The following ADAMTSL1 variants were observed in gnomAD, a reference collection of about 807,000 sequenced individuals.
The protein encoded by ADAMTSL1 is ADAMTS like 1.
In ADAMTSL1, 126 loss-of-function variants were observed where a neutral mutation model predicts 201.8. The ratio of observed to expected loss-of-function variants is 0.62; its 90% CI spans 0.54 to 0.72. The LOEUF (loss-of-function observed/expected upper bound fraction) is 0.72, where lower values mean the gene tolerates loss of function less well. ADAMTSL1 is among the 30% of genes least tolerant of loss of function. The pLI is 0.00. For synonymous variants in ADAMTSL1, 1,121 were observed against 903.4 expected, an observed-to-expected ratio of 1.24 and a Z score of -4.32; for missense variants, 2,679 against 2,277.8, an observed-to-expected ratio of 1.18 and a Z score of -3.59.
At chr9:18,701,462 C>A (rs879272926) in intron 13 of ADAMTSL1, among the ~76,000 whole-genome samples, 1 of 152,120 alleles carries the variant, frequency 6.6e-6, no homozygotes, top group African/African-American at 2.4e-5. Flanking sequence ...TCAGGCGATC[C>A]GCCCACCTCA....
At chr9:18,111,409 T>C (rs1478951622) in intron 1 of ADAMTSL1, among the ~76,000 whole-genome samples, 1 of 152,188 alleles carries the variant, frequency 6.6e-6, no homozygotes, top group African/African-American at 2.4e-5. Flanking sequence ...GTGCTTCTCA[T>C]TTATTTACAC....
chr9:18,521,299 A>C (rs1472167210), intron 2 of ADAMTSL1, among the ~76,000 whole-genome samples: 1 of 152,096 alleles, frequency 6.6e-6, no homozygotes, highest in Non-Finnish European at 1.5e-5. Context: ...TAAAGTACTA[A>C]AAGAGTGTAA....
At chr9:18,463,206 T>G (rs144294620) in intron 2 of ADAMTSL1, among the ~76,000 whole-genome samples, 4 of 152,280 alleles carry the variant, frequency 2.6e-5, no homozygotes, top group African/African-American at 9.6e-5. Context: ...TATGAAAAAT[T>G]TAGTAATTAG....
At chr9:17,965,372 C>G (rs1045959053) in intron 1 of ADAMTSL1, among the ~76,000 whole-genome samples, 8 of 152,172 alleles carry the variant, frequency 5.3e-5, no homozygotes, top group Admixed American at 2.0e-4. Flanking sequence ...ACATTAAATA[C>G]TGATGAATTA....
chr9:18,082,642 C>T (rs1045552324), intron 1 of ADAMTSL1, among the ~76,000 whole-genome samples: 1 of 152,156 alleles, frequency 6.6e-6, no homozygotes, highest in African/African-American at 2.4e-5. Context: ...GTCCATGAAT[C>T]CCTCTACCAC....
At position 18,622,301 on chromosome 9, in the gene ADAMTSL1, G is replaced by A; in HGVS notation, c.533G>A (p.Cys178Tyr). The stretch of plus-strand genomic sequence containing the variant: ...GTCAAGGAAGATAACTGTGGGGTCT[G>A]CAACGGAGATGGGTCCACCTGCCGG... The part of the protein sequence containing the change: ...STVKEDNCGV[C>Y]NGDGSTCRLV... Residue 178 changes from cysteine (C) to tyrosine (Y), a missense_variant, in exon 5 of 29, where the codon TGC (cysteine) becomes TAC (tyrosine). By Grantham distance (194) the Cys-to-Tyr change is radical. Coordinates refer to ENST00000380548, the MANE Select transcript of ADAMTSL1 (RefSeq NM_001040272.6). 6.2e-7 allele frequency: 1 copy of A among 1,614,074 alleles called. No individual in the cohort carries two copies. Among genetic ancestry groups the A allele is most frequent in the Non-Finnish European group, 8.5e-7 (1 of 1,179,962 alleles).
chr9:18,069,265 C>T (rs772389841), intron 1 of ADAMTSL1, among the ~76,000 whole-genome samples: 4 of 152,052 alleles, frequency 2.6e-5, no homozygotes, highest in African/African-American at 7.2e-5. Context: ...TTCAATATAT[C>T]GAGTTGAAGA....
chr9:18,557,680 A>G (rs1286152551), intron 3 of ADAMTSL1, among the ~76,000 whole-genome samples: 5 of 152,018 alleles, frequency 3.3e-5, no homozygotes, highest in African/African-American at 1.2e-4. Context: ...GAGAAATGCT[A>G]CAGTCTTCTA....
Position 18,085,744 on chromosome 9 carries a change from C to T in ADAMTSL1, c.88-78118C>T, listed in dbSNP as rs546119796. Among the ~76,000 whole-genome samples the T allele has an allele frequency of 3.4e-5, 5 of 149,048 alleles. No homozygotes were observed. The South Asian group carries it at 8.5e-4, about 25-fold the overall frequency. On this transcript the variant is annotated intron_variant, in intron 1 of 29. Transcript: ENST00000680146. Reference sequence around the variant, plus strand: ...ATATATATAGCAGGTTATATATATACGTGTATACATATATATGTGTGTGTG... The same window carrying T: ...ATATATATAGCAGGTTATATATATATGTGTATACATATATATGTGTGTGTG...
chr9:18,903,650 G>T (rs1830130689), intron 26 of ADAMTSL1, among the ~76,000 whole-genome samples: 1 of 152,298 alleles, frequency 6.6e-6, no homozygotes, highest in South Asian at 2.1e-4. Flanking sequence ...TTCCTTCTAA[G>T]GGGGTAGAGA....
At chr9:18,127,452 T>G (rs898246042) in intron 1 of ADAMTSL1, among the ~76,000 whole-genome samples, 36 of 145,236 alleles carry the variant, frequency 2.5e-4, no homozygotes, top group Non-Finnish European at 4.6e-4. Flanking sequence ...GATCTGTGTG[T>G]GGGGTGGTGC....
chr9:18,664,081 A>G (rs1829278216), intron 9 of ADAMTSL1, among the ~76,000 whole-genome samples: 1 of 152,036 alleles, frequency 6.6e-6, no homozygotes, highest in Non-Finnish European at 1.5e-5. Context: ...GGCAAATGTC[A>G]GGAAGCTGCT....
At chr9:18,350,729 T>C (rs957746221) in intron 2 of ADAMTSL1, among the ~76,000 whole-genome samples, 3 of 152,136 alleles carry the variant, frequency 2.0e-5, no homozygotes, top group Non-Finnish European at 2.9e-5. Flanking sequence ...GAAGAGGGTA[T>C]ACATTTTTAC....
At chr9:18,129,774 A>T (rs1158023855) in intron 1 of ADAMTSL1, among the ~76,000 whole-genome samples, 1 of 152,226 alleles carries the variant, frequency 6.6e-6, no homozygotes, top group Non-Finnish European at 1.5e-5. Context: ...TGAGAGTCAG[A>T]ACTGCAAAAT....
intron 3 of ADAMTSL1, among the ~76,000 whole-genome samples, chr9:18,556,607 G>C (rs1484568939): frequency 6.6e-6 from 1 of 151,846 alleles, no homozygotes; most frequent in Non-Finnish European, 1.5e-5. Context: ...AAAAGCACTG[G>C]GTTTTAGAGG....
Position 18,662,014 on chromosome 9 carries a change from A to C in ADAMTSL1, c.1026A>C (p.Pro342=). ...CTGACCAATACTGTCACTATTACCCAGAGAACATCAAACCCAAACCCAAGC... is the reference window on the plus strand; with the variant it reads ...CTGACCAATACTGTCACTATTACCCCGAGAACATCAAACCCAAACCCAAGC... ...VVADQYCHYY[P]ENIKPKPKLQ... Residue 342 remains proline, a synonymous_variant, in exon 9 of 29, where the codon CCA becomes CCC. Coordinates refer to ENST00000380548, the MANE Select transcript of ADAMTSL1 (RefSeq NM_001040272.6). The C allele has an allele frequency of 6.2e-7, 1 of 1,614,120 alleles. No homozygotes were observed. Among genetic ancestry groups the C allele is most frequent in the Non-Finnish European group, 8.5e-7 (1 of 1,179,962 alleles).
intron 7 of ADAMTSL1, 119 bp downstream of exon 7, chr9:18,639,530 C>T: frequency 8.2e-7 from 1 of 1,217,640 alleles, no homozygotes; most frequent in South Asian, 1.6e-5. Flanking sequence ...GTTTGTTACC[C>T]AGGAAATGTT....
intron 13 of ADAMTSL1, among the ~76,000 whole-genome samples, chr9:18,698,798 A>G (rs934220167): frequency 6.6e-6 from 1 of 152,226 alleles, no homozygotes; most frequent in African/African-American, 2.4e-5. Flanking sequence ...AGATTTGTTA[A>G]GAATAGCAGA....
At chr9:18,611,496 C>T (rs926028701) in intron 4 of ADAMTSL1, among the ~76,000 whole-genome samples, 1 of 152,052 alleles carries the variant, frequency 6.6e-6, no homozygotes, top group Non-Finnish European at 1.5e-5. Flanking sequence ...AAAAACAATA[C>T]ACAAAAAAAT....
Sources: gnomAD v4.1 joint callset for allele counts (sites outside exome capture counted in the v4.1 genomes callset) on GRCh38, gnomAD v4.1.1 for gene constraint, MANE v1.5 for transcripts, NCBI Gene and HGNC (gene_info 2026-07-23, HGNC 2026-07-21) for gene names.